Variants in PRKN observed in about 807,000 individuals in gnomAD.
The protein encoded by PRKN is parkin RBR E3 ubiquitin protein ligase, also known as E3 ubiquitin-protein ligase parkin.
In PRKN, 56 loss-of-function variants were observed where a neutral mutation model predicts 59.5. The ratio of observed to expected loss-of-function variants is 0.94; its 90% CI spans 0.76 to 1.18. PRKN has a LOEUF of 1.18. Ranked by LOEUF, PRKN falls within the 50% of genes most tolerant of loss-of-function variation. The probability of loss-of-function intolerance (pLI) is 0.00; values close to 1 mark genes in which losing one functional copy is unlikely to be tolerated. For synonymous variants in PRKN, 250 were observed against 222.1 expected (o/e 1.13, Z -1.12); for missense variants, 657 against 596.4 (o/e 1.10, Z -1.06).
rs1468880040 is a variant in PRKN, at chr6:161,451,941, T to C, written c.1084-65064A>G. Among the ~76,000 whole-genome samples the C allele has an allele frequency of 1.4e-5, 2 of 146,924 alleles. No homozygotes were observed. The highest frequency in any genetic ancestry group is 6.6e-5 in the Admixed American group (1 of 15,062). On this transcript the variant is annotated intron_variant, in intron 9 of 11. Coordinates refer to ENST00000366898, the MANE Select transcript of PRKN (RefSeq NM_004562.3). This position sits in a 1 kb window ranked among gnomAD's most constrained non-coding sequence, Gnocchi z 5.9. ...TTTTTCTTTTTTCTTTTCTTTTCTTTTACTTTTTTCTTTTCTTTTCTTTTC... is the reference window on the plus strand; with the variant it reads ...TTTTTCTTTTTTCTTTTCTTTTCTTCTACTTTTTTCTTTTCTTTTCTTTTC...
At chr6:162,234,122 G>GA (rs998417383) in intron 3 of PRKN, among the ~76,000 whole-genome samples, 1 of 152,150 alleles carries the variant, frequency 6.6e-6, no homozygotes, top group African/African-American at 2.4e-5. Flanking sequence ...TAGGATGGGG[G>GA]AAAAAAGCAG....
At chr6:162,443,973 A>C (rs1196076580) in intron 1 of PRKN, among the ~76,000 whole-genome samples, 1 of 152,130 alleles carries the variant, frequency 6.6e-6, no homozygotes, top group Non-Finnish European at 1.5e-5. Flanking sequence ...AGAGCCCTAG[A>C]CTTGGGTGGT....
At chr6:161,389,138 T>C (rs1441641375) in intron 9 of PRKN, among the ~76,000 whole-genome samples, 2 of 152,146 alleles carry the variant, frequency 1.3e-5, no homozygotes, top group Non-Finnish European at 2.9e-5. Flanking sequence ...ACCAACTCTA[T>C]CCCAAAATAT....
In PRKN at chr6:161,610,357, C is replaced by T. The variant is rs142402047; in HGVS notation, c.872-40941G>A. The stretch of plus-strand genomic sequence containing the variant: ...AAGGTCCTTCAGCACCACCAAAATA[C>T]GTACCTCTAAAAATTACGGGCAAAA... On this transcript the variant is annotated intron_variant, in intron 7 of 11. Transcript: ENST00000366898. Among the ~76,000 whole-genome samples the T allele has an allele frequency of 6.2e-3, 950 of 152,082 alleles. 8 individuals are homozygous for T. The highest frequency in any genetic ancestry group is 0.022 in the African/African-American group (895 of 41,456).
At chr6:162,134,718 T>C (rs1397806762) in intron 4 of PRKN, among the ~76,000 whole-genome samples, 1 of 152,112 alleles carries the variant, frequency 6.6e-6, no homozygotes, top group Non-Finnish European at 1.5e-5. Context: ...AAAAGAAAGG[T>C]TGACAGCAGC....
intron 1 of PRKN, among the ~76,000 whole-genome samples, chr6:162,683,086 C>A (rs1449714647): frequency 2.0e-5 from 3 of 152,024 alleles, no homozygotes; most frequent in Admixed American, 6.6e-5. Context: ...AATGAACACG[C>A]ATTATTATGA....
At chr6:161,702,591 G>C (rs149538041) in intron 7 of PRKN, among the ~76,000 whole-genome samples, 114 of 152,216 alleles carry the variant, frequency 7.5e-4, no homozygotes, top group African/African-American at 2.5e-3. Flanking sequence ...GTGTCAGTCT[G>C]GGAAGATGGA....
intron 2 of PRKN, among the ~76,000 whole-genome samples, chr6:162,354,700 T>G (rs542843035): frequency 6.6e-6 from 1 of 152,158 alleles, no homozygotes; most frequent in Admixed American, 6.6e-5. Flanking sequence ...AGTTCCTTCC[T>G]CCCTTCGTTA....
intron 5 of PRKN, among the ~76,000 whole-genome samples, chr6:162,038,354 T>C (rs1158432275): frequency 6.6e-6 from 1 of 152,118 alleles, no homozygotes; most frequent in Non-Finnish European, 1.5e-5. Flanking sequence ...TCAAACCTAG[T>C]AAAAGTCAAC....
intron 4 of PRKN, among the ~76,000 whole-genome samples, chr6:162,136,749 T>C (rs7753654): frequency 0.14 from 21,631 of 152,130 alleles, 1,778 homozygotes; most frequent in African/African-American, 0.22. Flanking sequence ...AGTGGAAAAG[T>C]CTGAGTCATT....
intron 7 of PRKN, among the ~76,000 whole-genome samples, chr6:161,669,492 A>C (rs2128168319): frequency 6.6e-6 from 1 of 152,338 alleles, no homozygotes; most frequent in Non-Finnish European, 1.5e-5. Context: ...TTCACTGTGA[A>C]ATCTTATTAA....
At chr6:162,345,719 T>G (rs562229064) in intron 2 of PRKN, among the ~76,000 whole-genome samples, 15 of 152,346 alleles carry the variant, frequency 9.8e-5, no homozygotes, top group African/African-American at 3.4e-4. Flanking sequence ...AGCAAAGTTA[T>G]ACATTCTCTT....
At chr6:161,886,550 G>A (rs956209027) in intron 6 of PRKN, among the ~76,000 whole-genome samples, 2 of 151,954 alleles carry the variant, frequency 1.3e-5, no homozygotes, top group African/African-American at 4.8e-5. Context: ...TACAAAATTA[G>A]CCAGGCATGG....
intron 5 of PRKN, among the ~76,000 whole-genome samples, chr6:161,986,332 C>A (rs540416149): frequency 6.6e-6 from 1 of 152,160 alleles, no homozygotes; most frequent in Non-Finnish European, 1.5e-5. Flanking sequence ...AAGTGGTTTT[C>A]CTCTACTGTC....
At chr6:161,974,582 C>T (rs530805914) in intron 5 of PRKN, among the ~76,000 whole-genome samples, 4 of 152,184 alleles carry the variant, frequency 2.6e-5, no homozygotes, top group South Asian at 2.1e-4. Flanking sequence ...CACACCAAGG[C>T]GTTTGGCCAG....
At chr6:161,509,746 GGT>G (rs1778312255) in intron 9 of PRKN, among the ~76,000 whole-genome samples, 2 of 151,790 alleles carry the variant, frequency 1.3e-5, no homozygotes, top group African/African-American at 2.4e-5. Flanking sequence ...TGTGTGTGGT[GGT>G]GCGCGCCTGT....
rs186900781 is a variant in PRKN, at chr6:162,368,046, G to A, written c.171+75264C>T. Among the ~76,000 whole-genome samples the A allele has an allele frequency of 5.3e-4, 81 of 152,200 alleles. 1 individual carries two copies. The highest frequency in any genetic ancestry group is 1.8e-3 in the African/African-American group (75 of 41,534). Reference sequence around the variant, plus strand: ...AGGGTAGAAAAGAGAAAATGACAGCGCCTTTCCCCTGACCTGCCTTTGGAT... The same window carrying A: ...AGGGTAGAAAAGAGAAAATGACAGCACCTTTCCCCTGACCTGCCTTTGGAT... On this transcript the variant is annotated intron_variant, in intron 2 of 11. Transcript: ENST00000366898.
intron 1 of PRKN, among the ~76,000 whole-genome samples, chr6:162,705,884 G>A (rs1455476024): frequency 1.3e-5 from 2 of 152,038 alleles, no homozygotes; most frequent in African/African-American, 4.8e-5. Context: ...GCAGAGCTTG[G>A]CTGTTTGACT....
chr6:162,578,309 T>A (rs1353968426), intron 1 of PRKN, among the ~76,000 whole-genome samples: 2 of 152,124 alleles, frequency 1.3e-5, no homozygotes, highest in African/African-American at 2.4e-5. Context: ...ATGTATTAAA[T>A]ATAATGTATT....
Sources: allele counts gnomAD v4.1 joint callset (sites outside exome capture counted in the v4.1 genomes callset), GRCh38; gene constraint gnomAD v4.1.1; non-coding constraint Gnocchi (gnomAD v3.1); transcripts MANE v1.5; gene names NCBI Gene and HGNC (gene_info 2026-07-23, HGNC 2026-07-21).